Variants in HCN1 observed in about 807,000 individuals in gnomAD.
HCN1 encodes the protein potassium/sodium hyperpolarization-activated cyclic nucleotide-gated channel 1.
In HCN1, 13 loss-of-function variants were observed where a neutral mutation model predicts 78.9. The ratio of observed to expected loss-of-function variants is 0.16; its 90% confidence interval spans 0.11 to 0.26. The LOEUF is 0.26. Ranked by LOEUF, HCN1 falls within the 10% of genes least tolerant of loss-of-function variation. The probability of loss-of-function intolerance (pLI) is 1.00; values close to 1 mark genes in which losing one functional copy is unlikely to be tolerated. For synonymous variants in HCN1, 552 were observed against 455.5 expected (o/e 1.21, Z -2.70); for missense variants, 810 against 1,154.3 (o/e 0.70, Z 4.32).
At chr5:45,567,967 T>A (rs1366521200) in intron 2 of HCN1, among the ~76,000 whole-genome samples, 2 of 151,558 alleles carry the variant, frequency 1.3e-5, no homozygotes, top group African/African-American at 4.8e-5. Context: ...CTGCTATCTA[T>A]GGTAATTAAA....
At chr5:45,622,061 A>C (rs1001847654) in intron 2 of HCN1, among the ~76,000 whole-genome samples, 1 of 152,096 alleles carries the variant, frequency 6.6e-6, no homozygotes, top group Non-Finnish European at 1.5e-5. Flanking sequence ...TCTACTAAAA[A>C]ATACAAAAAA....
intron 1 of HCN1, among the ~76,000 whole-genome samples, chr5:45,674,257 C>G (rs1226279966): frequency 3.3e-5 from 5 of 151,240 alleles, no homozygotes; most frequent in Non-Finnish European, 7.4e-5. Flanking sequence ...CTAGTTAAAA[C>G]TTAATAATTT....
At chr5:45,479,258 G>T (rs1741591360) in intron 2 of HCN1, among the ~76,000 whole-genome samples, 1 of 152,110 alleles carries the variant, frequency 6.6e-6, no homozygotes. Context: ...GGAAAGGAAG[G>T]GGAATCAGGG....
Position 45,261,787 on chromosome 5 carries a change from G to T in HCN1, c.*134C>A. On this transcript the variant is annotated 3_prime_UTR_variant, in exon 8 of 8. Transcript: ENST00000303230. ...ATGTATATATATTTTTACATTTCACGTGTAGGCCACAGCTGTCTAAAATAT... is the reference window on the plus strand; with the variant it reads ...ATGTATATATATTTTTACATTTCACTTGTAGGCCACAGCTGTCTAAAATAT... 1 of 1,071,454 alleles carries T rather than the reference G, an allele frequency of 9.3e-7. No homozygotes were observed. The highest frequency in any genetic ancestry group is 1.8e-5 in the Admixed American group (1 of 57,102). 66.4% of individuals were successfully genotyped at this position (1,071,454 alleles called of 1,614,324 possible). A position where few individuals can be genotyped will look rare whatever the true frequency, so the allele number is the denominator to read the frequency against.
At chr5:45,695,081 T>C (rs1360012587) in intron 1 of HCN1, 2 of 153,134 alleles carry the variant, frequency 1.3e-5, no homozygotes, top group Non-Finnish European at 2.9e-5. Flanking sequence ...CAAGTGCAAA[T>C]TGCCCTTCTT....
intron 2 of HCN1, among the ~76,000 whole-genome samples, chr5:45,495,159 G>A (rs1237245296): frequency 3.3e-5 from 4 of 123,062 alleles, no homozygotes; most frequent in Admixed American, 9.1e-5. Context: ...AGCTTGATGG[G>A]GATGGCATTG....
At chr5:45,384,487 A>C (rs1349710360) in intron 4 of HCN1, among the ~76,000 whole-genome samples, 1 of 152,152 alleles carries the variant, frequency 6.6e-6, no homozygotes, top group East Asian at 1.9e-4. Flanking sequence ...GCAGAACATA[A>C]ATTTTTAAGT....
chr5:45,378,359 T>C (rs534288407), intron 4 of HCN1, among the ~76,000 whole-genome samples: 1 of 152,228 alleles, frequency 6.6e-6, no homozygotes, highest in African/African-American at 2.4e-5. Flanking sequence ...GCCAATTTTC[T>C]TGATAACTCT....
At chr5:45,643,994 A>C (rs1431362610) in intron 2 of HCN1, 33 of 152,102 alleles carry the variant, frequency 2.2e-4, no homozygotes, top group Admixed American at 2.0e-3. Flanking sequence ...ATATTTTAAG[A>C]ATGATCCATT....
At chr5:45,372,946 T>C (rs1034988183) in intron 4 of HCN1, among the ~76,000 whole-genome samples, 1 of 138,938 alleles carries the variant, frequency 7.2e-6, no homozygotes, top group East Asian at 2.1e-4. Flanking sequence ...TAAAAATATA[T>C]AAGTATTTTA....
At chr5:45,437,195 T>A (rs897220789) in intron 3 of HCN1, among the ~76,000 whole-genome samples, 2 of 152,192 alleles carry the variant, frequency 1.3e-5, no homozygotes, top group Non-Finnish European at 2.9e-5. Flanking sequence ...ATACATATAA[T>A]AATTTTAGAA....
intron 3 of HCN1, among the ~76,000 whole-genome samples, chr5:45,419,673 CAGA>C (rs1399108298): frequency 6.6e-6 from 1 of 152,152 alleles, no homozygotes; most frequent in Admixed American, 6.6e-5. Flanking sequence ...GAAGATCAGA[CAGA>C]AGAAGGAAAA....
chr5:45,375,899 TATA>T (rs1040103986), intron 4 of HCN1, among the ~76,000 whole-genome samples: 34 of 123,056 alleles, frequency 2.8e-4, no homozygotes, highest in African/African-American at 5.5e-4. Flanking sequence ...TTATATATGA[TATA>T]ATATTTTATC....
chr5:45,372,735 A>G (rs1747438696), intron 4 of HCN1, among the ~76,000 whole-genome samples: 1 of 143,832 alleles, frequency 7.0e-6, no homozygotes, highest in South Asian at 2.1e-4. Flanking sequence ...ACGTATTTAT[A>G]TAAAAATATA....
intron 3 of HCN1, among the ~76,000 whole-genome samples, chr5:45,397,044 C>A (rs950612043): frequency 2.0e-5 from 3 of 151,922 alleles, no homozygotes; most frequent in Non-Finnish European, 4.4e-5. Context: ...GAAATGTGGT[C>A]AAATAGTATT....
intron 2 of HCN1, among the ~76,000 whole-genome samples, chr5:45,625,583 T>C (rs1037400464): frequency 2.0e-5 from 3 of 151,688 alleles, no homozygotes; most frequent in African/African-American, 7.3e-5. Context: ...TATAAAATTA[T>C]AGAATAAAAA....
chr5:45,695,344 A>G (rs1330682673), intron 1 of HCN1, among the ~76,000 whole-genome samples: 5 of 152,050 alleles, frequency 3.3e-5, no homozygotes, highest in Non-Finnish European at 7.4e-5. Context: ...CTCTGAAGTA[A>G]AAGTTTCCCT....
At chr5:45,393,818 A>T (rs1739633933) in intron 4 of HCN1, among the ~76,000 whole-genome samples, 1 of 152,202 alleles carries the variant, frequency 6.6e-6, no homozygotes, top group Non-Finnish European at 1.5e-5. Context: ...TTGAACTGCA[A>T]ATCTGAGAGT....
At chr5:45,400,941 T>C (rs183158745) in intron 3 of HCN1, among the ~76,000 whole-genome samples, 1 of 152,288 alleles carries the variant, frequency 6.6e-6, no homozygotes, top group African/African-American at 2.4e-5. Flanking sequence ...TGTTATCACA[T>C]ATAAAATGCC....
Sources: allele counts gnomAD v4.1 joint callset (sites outside exome capture counted in the v4.1 genomes callset), GRCh38; gene constraint gnomAD v4.1.1; transcripts MANE v1.5; gene names NCBI Gene and HGNC (gene_info 2026-07-23, HGNC 2026-07-21).